TENM1: variants seen among roughly 807,000 people sequenced by gnomAD.
TENM1 encodes the protein teneurin transmembrane protein 1.
A neutral mutation model predicts 174.8 loss-of-function variants in TENM1; 35 were observed. The observed-to-expected ratio is 0.20, with a 90% CI of 0.15 to 0.27. The LOEUF (loss-of-function observed/expected upper bound fraction) is 0.27, where lower values mean the gene tolerates loss of function less well. TENM1 is among the 10% of genes least tolerant of loss of function. TENM1 has a pLI of 1.00. For missense variants in TENM1, 1,633 were observed against 2,130.1 expected, an observed-to-expected ratio of 0.77 and a Z score of 4.59; for synonymous variants, 781 against 798.7, an observed-to-expected ratio of 0.98 and a Z score of 0.37.
chrX:124,637,304 G>A (rs1476671823), intron 11 of TENM1, among the ~76,000 whole-genome samples: 1 of 109,955 alleles, frequency 9.1e-6, no homozygotes, highest in African/African-American at 3.3e-5. Flanking sequence ...TGGCCAGGCT[G>A]GTCTCGATTT....
At chrX:124,383,811 G>C in exon 30 of TENM1, 1 of 1,210,062 alleles carries the variant, frequency 8.3e-7, no homozygotes, top group Non-Finnish European at 1.1e-6. Flanking sequence ...AATTTAGTAA[G>C]GAAATCATAG....
At chrX:124,913,878 C>T (rs2057877387) in intron 1 of TENM1, among the ~76,000 whole-genome samples, 1 of 111,881 alleles carries the variant, frequency 8.9e-6, no homozygotes, top group African/African-American at 3.2e-5. Flanking sequence ...ACAGCAACAA[C>T]AAATAATGGT....
intron 3 of TENM1, among the ~76,000 whole-genome samples, chrX:124,875,774 G>A (rs2057187765): frequency 9.5e-6 from 1 of 104,784 alleles, no homozygotes; most frequent in African/African-American, 3.5e-5. Flanking sequence ...TACTCCGGAG[G>A]CTAAAGTGGG....
chrX:125,147,535 T>C, the TENM1 span, among the ~76,000 whole-genome samples: 1 of 111,596 alleles, frequency 9.0e-6, no homozygotes, highest in Non-Finnish European at 1.9e-5. Flanking sequence ...ACCTTATAAT[T>C]AGACTTCAAA....
intron 4 of TENM1, among the ~76,000 whole-genome samples, chrX:124,730,359 A>AT (rs2053538405): frequency 8.9e-6 from 1 of 111,830 alleles, no homozygotes; most frequent in Non-Finnish European, 1.9e-5. Flanking sequence ...CGGAGTGCTC[A>AT]TTATGTTCAT....
At chrX:125,025,667 T>G in the TENM1 span, among the ~76,000 whole-genome samples, 1 of 110,760 alleles carries the variant, frequency 9.0e-6, no homozygotes, top group Non-Finnish European at 1.9e-5. Flanking sequence ...GGTTACAGAT[T>G]TGTAAGAAAT....
intron 1 of TENM1, among the ~76,000 whole-genome samples, chrX:124,945,835 C>G (rs1383156820): frequency 2.7e-5 from 3 of 111,235 alleles, no homozygotes; most frequent in Non-Finnish European, 5.7e-5. Flanking sequence ...AATGGAGGAT[C>G]AGTAAAAGTG....
chrX:124,845,639 C>T (rs917460268), intron 3 of TENM1, among the ~76,000 whole-genome samples: 1 of 111,032 alleles, frequency 9.0e-6, no homozygotes, highest in Admixed American at 9.6e-5. Context: ...CCTTGAATGC[C>T]CTGAGTGATT....
At chrX:124,433,968 T>C (rs886354314) in intron 23 of TENM1, among the ~76,000 whole-genome samples, 1 of 112,029 alleles carries the variant, frequency 8.9e-6, no homozygotes, top group African/African-American at 3.2e-5. Flanking sequence ...TTAGGAAATA[T>C]GGTATTTCCA....
chrX:124,392,000 C>G, intron 28 of TENM1, 52 bp downstream of exon 31: 1 of 1,066,581 alleles, frequency 9.4e-7, no homozygotes, highest in Non-Finnish European at 1.3e-6. Flanking sequence ...GGGCCATTTT[C>G]GATAGTCTCA....
At chrX:125,107,073 C>T in the TENM1 span, among the ~76,000 whole-genome samples, 1 of 111,843 alleles carries the variant, frequency 8.9e-6, no homozygotes, top group South Asian at 3.7e-4. Flanking sequence ...GGTTGGGTCA[C>T]GGTCTTATGT....
At chrX:125,148,025 T>C in the TENM1 span, among the ~76,000 whole-genome samples, 1 of 111,286 alleles carries the variant, frequency 9.0e-6, no homozygotes. Context: ...TTTTCATTTA[T>C]TCTTACTCCT....
intron 14 of TENM1, among the ~76,000 whole-genome samples, chrX:124,551,528 C>CCA (rs200848099): frequency 0.26 from 26,561 of 101,496 alleles, 2,979 homozygotes; most frequent in East Asian, 0.81. Context: ...ACACACACAC[C>CCA]CACACACACA....
chrX:124,486,633 A>C lies in TENM1; in HGVS notation c.3716+576T>G, dbSNP rs2046959610. 3.6e-5 allele frequency among the ~76,000 whole-genome samples: 4 copies of C among 112,285 alleles called. No homozygotes were observed. The Admixed American group carries it at 3.8e-4, about 11-fold the overall frequency. ...GTAATGCGTAAACACATTGAATAGAAATATTCATTATGATTAATTTCAGAG... is the reference window on the plus strand; with the variant it reads ...GTAATGCGTAAACACATTGAATAGACATATTCATTATGATTAATTTCAGAG... On this transcript the variant is annotated intron_variant, in intron 21 of 31. Transcript: ENST00000422452.
chrX:125,069,010 T>C, the TENM1 span, among the ~76,000 whole-genome samples: 263 of 110,955 alleles, frequency 2.4e-3, no homozygotes, highest in Non-Finnish European at 4.1e-3. Flanking sequence ...CCAATAGTAG[T>C]TTTTGTTTGT....
At chrX:125,014,918 G>A in the TENM1 span, among the ~76,000 whole-genome samples, 1 of 111,904 alleles carries the variant, frequency 8.9e-6, no homozygotes, top group African/African-American at 3.2e-5. Context: ...AGAGATATGT[G>A]TTTGAATATG....
At chrX:125,200,654 T>TGTGTGAGAGAGAGAGAGAGA in the TENM1 span, among the ~76,000 whole-genome samples, 3 of 92,422 alleles carry the variant, frequency 3.2e-5, no homozygotes, top group African/African-American at 1.3e-4. Context: ...TGTGTGTGTG[T>TGTGTGAGAGAGAGAGAGAGA]GAGAGAGAGA....
intron 4 of TENM1, among the ~76,000 whole-genome samples, chrX:124,723,636 CTG>C (rs1208044203): frequency 4.6e-4 from 40 of 87,890 alleles, no homozygotes; most frequent in African/African-American, 1.6e-3. Flanking sequence ...GAGTCTCACT[CTG>C]TCATTAGGCT....
chrX:124,877,230 T>A (rs1476043923), intron 3 of TENM1, among the ~76,000 whole-genome samples: 1 of 112,416 alleles, frequency 8.9e-6, no homozygotes, highest in African/African-American at 3.2e-5. Context: ...GATTTCCACT[T>A]TCCTCCACAG....
Sources: gnomAD v4.1 joint callset for allele counts (sites outside exome capture counted in the v4.1 genomes callset) on GRCh38, gnomAD v4.1.1 for gene constraint, MANE v1.5 for transcripts, NCBI Gene and HGNC (gene_info 2026-07-23, HGNC 2026-07-21) for gene names.